Variants in ST8SIA2 observed in about 807,000 individuals in gnomAD.
ST8SIA2 encodes the protein alpha-2,8-sialyltransferase 8B.
A neutral mutation model predicts 37.6 loss-of-function variants in ST8SIA2; 22 were observed. The observed-to-expected ratio is 0.58, with a 90% CI of 0.42 to 0.83. The LOEUF is 0.83. ST8SIA2 is among the 40% of genes least tolerant of loss of function. The pLI is 0.00. For missense variants in ST8SIA2, 382 were observed against 484.7 expected (o/e 0.79, Z 1.99); for synonymous variants, 205 against 201.2 (o/e 1.02, Z -0.16).
At chr15:92,447,440 G>A (rs1394709279) in intron 5 of ST8SIA2, among the ~76,000 whole-genome samples, 1 of 152,176 alleles carries the variant, frequency 6.6e-6, no homozygotes, top group Non-Finnish European at 1.5e-5. Flanking sequence ...TGACCTCCCA[G>A]CTTGGGGTCA....
intron 5 of ST8SIA2, among the ~76,000 whole-genome samples, chr15:92,461,230 G>T (rs1255788287): frequency 6.6e-6 from 1 of 152,098 alleles, no homozygotes; most frequent in African/African-American, 2.4e-5. Flanking sequence ...CCCATAGTCT[G>T]CCCCTCACAT....
At chr15:92,461,012 A>G (rs1275629061) in intron 5 of ST8SIA2, among the ~76,000 whole-genome samples, 1 of 152,192 alleles carries the variant, frequency 6.6e-6, no homozygotes, top group Non-Finnish European at 1.5e-5. Flanking sequence ...GGAGCTGTGC[A>G]GTGTGGTTAG....
intron 1 of ST8SIA2, among the ~76,000 whole-genome samples, chr15:92,424,725 C>T (rs751365052): frequency 1.3e-5 from 2 of 152,024 alleles, no homozygotes; most frequent in Non-Finnish European, 2.9e-5. Context: ...GATTCTCCTG[C>T]CTCAGCCTCT....
chr15:92,463,732 G>T (rs994408952), intron 5 of ST8SIA2, among the ~76,000 whole-genome samples: 2 of 152,132 alleles, frequency 1.3e-5, no homozygotes, highest in African/African-American at 4.8e-5. Context: ...TACAGAAAAA[G>T]GTTGCCAGCT....
Position 92,410,666 on chromosome 15 carries a change from C to G in ST8SIA2, c.98+16504C>G, listed in dbSNP as rs935294834. ...TAACTATGAGGAAAATTCATTATCACCAACAAACATCTTATGAGAGTAGTA... is the reference window on the plus strand; with the variant it reads ...TAACTATGAGGAAAATTCATTATCAGCAACAAACATCTTATGAGAGTAGTA... On this transcript the variant is annotated intron_variant, in intron 1 of 5. Transcript: ENST00000268164. 7.9e-5 allele frequency among the ~76,000 whole-genome samples: 12 copies of G among 152,322 alleles called. No homozygotes were observed. In the South Asian group the frequency reaches 1.0e-3, roughly 13 times the overall value.
intron 1 of ST8SIA2, among the ~76,000 whole-genome samples, chr15:92,412,639 T>C (rs1791203519): frequency 1.3e-5 from 2 of 152,156 alleles, no homozygotes; most frequent in South Asian, 4.1e-4. Context: ...CATTTGCCTC[T>C]GTGTTTTTGT....
intron 2 of ST8SIA2, among the ~76,000 whole-genome samples, chr15:92,432,449 C>T (rs929907263): frequency 1.3e-5 from 2 of 152,172 alleles, no homozygotes; most frequent in East Asian, 1.9e-4. Context: ...CAGAACCTCA[C>T]GAGATGGATA....
In ST8SIA2 at chr15:92,404,448, G is replaced by C. The variant is rs376959398; in HGVS notation, c.98+10286G>C. 2.0e-5 allele frequency among the ~76,000 whole-genome samples: 3 copies of C among 152,098 alleles called. No individual in the cohort carries two copies. In the South Asian group the frequency reaches 6.2e-4, roughly 32 times the overall value. ...AATGGTACAGCTACTATGGAAAACA[G>C]TATGACGGTTCCTCAAAAAATTTAA... On this transcript the variant is annotated intron_variant, in intron 1 of 5. Transcript: ENST00000268164.
At chr15:92,455,348 G>A (rs1445093438) in intron 5 of ST8SIA2, among the ~76,000 whole-genome samples, 2 of 152,082 alleles carry the variant, frequency 1.3e-5, no homozygotes, top group East Asian at 3.9e-4. Flanking sequence ...TGTGTGTAAT[G>A]GATTCTCTCT....
chr15:92,455,243 G>T (rs1362398725), intron 5 of ST8SIA2, among the ~76,000 whole-genome samples: 1 of 152,182 alleles, frequency 6.6e-6, no homozygotes, highest in Non-Finnish European at 1.5e-5. Context: ...GGTTGACAGA[G>T]GGTGAGGTGA....
At chr15:92,411,086 G>A (rs10162611) in intron 1 of ST8SIA2, among the ~76,000 whole-genome samples, 68,236 of 152,038 alleles carry the variant, frequency 0.45, 16,159 homozygotes, top group East Asian at 0.65. Context: ...TTGATTCTTT[G>A]AGGGTTTCTT....
chr15:92,446,143 C>T (rs1210945234), intron 5 of ST8SIA2, among the ~76,000 whole-genome samples: 1 of 152,148 alleles, frequency 6.6e-6, no homozygotes, highest in Non-Finnish European at 1.5e-5. Flanking sequence ...GTTCTTAGGT[C>T]AGGTGCAGTC....
chr15:92,463,974 A>G, intron 5 of ST8SIA2, 126 bp from the exon 6 acceptor site: 1 of 1,328,880 alleles, frequency 7.5e-7, no homozygotes, highest in Non-Finnish European at 1.0e-6. Flanking sequence ...AGGGATGTGT[A>G]GCTTGATCGG....
In ST8SIA2 at chr15:92,438,377, T is replaced by C. The variant is rs1018122457; in HGVS notation, c.315T>C (p.Asp105=). The C allele has an allele frequency of 6.2e-7, 1 of 1,614,236 alleles. No individual in the cohort carries two copies. The highest frequency in any genetic ancestry group is 1.1e-5 in the South Asian group (1 of 91,090). The change falls in exon 4 of 6, where the codon GAT becomes GAC. Residue 105 remains aspartate (D), a synonymous_variant. Transcript: ENST00000268164. ...RIRKQILKFL[D]AEKDISVLKG... The stretch of plus-strand genomic sequence containing the variant: ...GGAAGCAGATTTTAAAGTTCTTGGA[T>C]GCTGAAAAGGACATTTCTGTCCTAA...
intron 5 of ST8SIA2, among the ~76,000 whole-genome samples, chr15:92,449,559 C>T (rs1431608582): frequency 6.6e-6 from 1 of 152,196 alleles, no homozygotes; most frequent in Non-Finnish European, 1.5e-5. Context: ...AGTAGTTCTA[C>T]TTTCCTTGCA....
chr15:92,444,750 G>A lies in ST8SIA2; in HGVS notation c.663G>A (p.Thr221=), dbSNP rs145237424. 1.3e-5 allele frequency: 21 copies of A among 1,614,194 alleles called. No individual in the cohort carries two copies. The highest frequency in any genetic ancestry group is 6.7e-5 in the African/African-American group (5 of 75,056). ...QRAFEDLVNA[T]WREKLLQRLH... ...CCTTTGAGGACTTGGTCAATGCCAC[G>A]TGGCGGGAGAAGCTGCTGCAACGGC... The change falls in exon 5 of 6, where the codon ACG becomes ACA. Residue 221 remains threonine (T), a synonymous_variant. Transcript: ENST00000268164.
rs955146549 is a variant in ST8SIA2, at chr15:92,410,168, C to T, written c.98+16006C>T. On this transcript the variant is annotated intron_variant, in intron 1 of 5. Transcript: ENST00000268164. ...TAGAGCAACAAAACTGGAGAGCTGT[C>T]TCAAGGAGTTTTCCTGTGCAGTGGA... Among the ~76,000 whole-genome samples, 7 of 152,240 alleles carry T rather than the reference C, an allele frequency of 4.6e-5. No homozygotes were observed. The East Asian group carries it at 1.3e-3, about 29-fold the overall frequency.
chr15:92,431,782 T>A (rs2049717677), intron 2 of ST8SIA2, among the ~76,000 whole-genome samples: 1 of 151,968 alleles, frequency 6.6e-6, no homozygotes, highest in South Asian at 2.1e-4. Flanking sequence ...GAAGGCAGAG[T>A]CTAGAAATCT....
intron 1 of ST8SIA2, among the ~76,000 whole-genome samples, chr15:92,396,542 G>A (rs1040171964): frequency 2.7e-5 from 4 of 150,114 alleles, no homozygotes; most frequent in African/African-American, 9.9e-5. Flanking sequence ...CGCCCAGGAT[G>A]GAGTGCAGTG....
Sources: gnomAD v4.1 joint callset for allele counts (sites outside exome capture counted in the v4.1 genomes callset) on GRCh38, gnomAD v4.1.1 for gene constraint, MANE v1.5 for transcripts, NCBI Gene and HGNC (gene_info 2026-07-23, HGNC 2026-07-21) for gene names.